EFCAB7: variants seen among roughly 807,000 people sequenced by gnomAD.
The protein encoded by EFCAB7 is EF-hand calcium-binding domain-containing protein 7.
In EFCAB7, 66 loss-of-function variants were observed where a neutral mutation model predicts 77.1. That is an observed-to-expected ratio of 0.86 (90% CI 0.70 to 1.05). EFCAB7 has a LOEUF of 1.05. EFCAB7 is among the 50% of genes least tolerant of loss of function. EFCAB7 has a pLI of 0.00. For synonymous variants in EFCAB7, 225 were observed against 243.3 expected (o/e 0.92, Z 0.70); for missense variants, 638 against 730.5 (o/e 0.87, Z 1.46).
intron 6 of EFCAB7, among the ~76,000 whole-genome samples, chr1:63,544,707 G>A (rs1009250183): frequency 6.6e-6 from 1 of 151,820 alleles, no homozygotes; most frequent in African/African-American, 2.4e-5. Context: ...CACCGCTCCC[G>A]GCCAGCTGTG....
chr1:63,531,696 A>C (rs1646698019), intron 2 of EFCAB7, 124 bp from the exon 3 acceptor site: 1 of 857,452 alleles, frequency 1.2e-6, no homozygotes, highest in Non-Finnish European at 1.8e-6. Context: ...ACACCAAAGT[A>C]ATGTACTGGT....
At chr1:63,582,241 G>C in the EFCAB7 span, among the ~76,000 whole-genome samples, 1 of 152,192 alleles carries the variant, frequency 6.6e-6, no homozygotes, top group African/African-American at 2.4e-5. Context: ...CATTCAAAAT[G>C]CCACTAGTGA....
the EFCAB7 span, among the ~76,000 whole-genome samples, chr1:63,582,284 A>C: frequency 3.9e-5 from 6 of 152,388 alleles, no homozygotes; most frequent in South Asian, 1.0e-3. Context: ...CCTAAGAAGC[A>C]TAGCAAAGTC....
At position 63,565,528 on chromosome 1, in the gene EFCAB7, GATAAATGGGATCT is replaced by G. The variant is rs1466113489; in HGVS notation, c.1498-2780_1498-2768del. On this transcript the variant is annotated intron_variant, in intron 11 of 13. Transcript: ENST00000371088. Reference sequence around the variant, plus strand: ...AGCAATTGCAACAAAAGCAAAAATTGATAAATGGGATCTAATTAAAGAGCTTCTGTGCAGCAAA... The same window carrying G: ...AGCAATTGCAACAAAAGCAAAAATTGAATTAAAGAGCTTCTGTGCAGCAAA... 9.2e-5 allele frequency among the ~76,000 whole-genome samples: 14 copies of G among 152,222 alleles called. No homozygotes were observed. In the South Asian group the frequency reaches 2.5e-3, roughly 27 times the overall value.
At chr1:63,573,207 T>A (rs373863695), downstream of EFCAB7, among the ~76,000 whole-genome samples, 1 of 152,088 alleles carries the variant, frequency 6.6e-6, no homozygotes, top group African/African-American at 2.4e-5. Flanking sequence ...CGGGTGATAT[T>A]TCTCAGGGCT....
intron 5 of EFCAB7, 122 bp from the exon 6 acceptor site, chr1:63,533,973 A>T: frequency 9.0e-7 from 1 of 1,109,170 alleles, no homozygotes; most frequent in Non-Finnish European, 1.3e-6. Context: ...ACTTTATTTC[A>T]ATAGGGAGAA....
intron 12 of EFCAB7, 127 bp downstream of exon 12, chr1:63,568,646 A>G (rs1293331754): frequency 9.1e-6 from 6 of 661,776 alleles, no homozygotes; most frequent in Middle Eastern, 4.4e-4. Flanking sequence ...TATAATGCAT[A>G]ATTATTTTTT....
Position 63,561,825 on chromosome 1 carries a change from A to T in EFCAB7, c.1465A>T (p.Met489Leu), listed in dbSNP as rs367692666. ...PCDLWVTLHSMGYNKALELTE... is the reference protein window; with the variant it reads ...PCDLWVTLHSLGYNKALELTE... ...TGACCTTTGGGTAACTCTACACTCT[A>T]TGGGCTACAATAAAGCTCTGGAGTT... The change falls in exon 11 of 14, where the codon ATG (methionine) becomes TTG (leucine). Residue 489 changes from methionine (M) to leucine (L), a missense_variant. Coordinates refer to ENST00000371088, the MANE Select transcript of EFCAB7 (RefSeq NM_032437.4). 6.9e-6 allele frequency: 11 copies of T among 1,595,346 alleles called. No individual in the cohort carries two copies. The highest frequency in any genetic ancestry group is 9.4e-6 in the Non-Finnish European group (11 of 1,170,154).
the EFCAB7 span, among the ~76,000 whole-genome samples, chr1:63,581,351 T>C: frequency 5.6e-5 from 8 of 142,468 alleles, no homozygotes; most frequent in African/African-American, 2.1e-4. Context: ...GGAGGATCAC[T>C]TGAGCCTGAG....
At chr1:63,546,328 GA>G (rs551617933) in intron 7 of EFCAB7, among the ~76,000 whole-genome samples, 1 of 150,078 alleles carries the variant, frequency 6.7e-6, no homozygotes, top group African/African-American at 2.4e-5. Flanking sequence ...GAAAATAAAA[GA>G]AAAAAAATGT....
At chr1:63,533,026 T>C (rs1252645656) in intron 4 of EFCAB7, among the ~76,000 whole-genome samples, 1 of 152,150 alleles carries the variant, frequency 6.6e-6, no homozygotes, top group Non-Finnish European at 1.5e-5. Flanking sequence ...ATAATTGCAA[T>C]CTGATGACTA....
chr1:63,557,144 T>G lies in EFCAB7; in HGVS notation c.1245T>G (p.Ile415Met), dbSNP rs1294301333. The change falls in exon 10 of 14, where the codon ATT becomes ATG. Residue 415 changes from isoleucine to methionine, a missense_variant. Coordinates refer to ENST00000371088, the MANE Select transcript of EFCAB7 (RefSeq NM_032437.4). ...KSTLSDIFEV[I>M]DLDGNGLLSL... The stretch of plus-strand genomic sequence containing the variant: ...CTTTATCAGATATATTTGAAGTAAT[T>G]GATTTAGATGGAAATGGTCTTCTTA... 1.9e-6 allele frequency: 3 copies of G among 1,596,654 alleles called. No homozygotes were observed. The highest frequency in any genetic ancestry group is 2.6e-6 in the Non-Finnish European group (3 of 1,173,972).
chr1:63,552,169 A>G (rs945059783), intron 8 of EFCAB7, among the ~76,000 whole-genome samples: 5 of 152,074 alleles, frequency 3.3e-5, no homozygotes, highest in African/African-American at 4.8e-5. Context: ...ATATTATTCT[A>G]TGATCTTACC....
chr1:63,539,959 C>T (rs963390220), intron 6 of EFCAB7, among the ~76,000 whole-genome samples: 28 of 151,816 alleles, frequency 1.8e-4, no homozygotes, highest in African/African-American at 6.0e-4. Context: ...ATGTTAAGGG[C>T]AATTGGGTCT....
In EFCAB7 at chr1:63,551,833, A is replaced by T; in HGVS notation, c.1055A>T (p.Glu352Val). 6.5e-7 allele frequency: 1 copy of T among 1,544,456 alleles called. No individual in the cohort carries two copies. The highest frequency in any genetic ancestry group is 8.8e-7 in the Non-Finnish European group (1 of 1,142,306). Residue 352 changes from glutamate (E) to valine (V), a missense_variant and splice_region_variant, in exon 8 of 14, where the codon GAA becomes GTA. Coordinates refer to ENST00000371088, the MANE Select transcript of EFCAB7 (RefSeq NM_032437.4). ...LVCFTELRNR[E>V]VFGWTGELGP... ...TGTTTTACCGAACTACGAAATAGAG[A>T]AGTATACATATTTATTTTCTAATGT... is the stretch of plus-strand genomic sequence containing the variant.
chr1:63,526,828 G>C (rs1351742716), intron 2 of EFCAB7, among the ~76,000 whole-genome samples: 1 of 151,808 alleles, frequency 6.6e-6, no homozygotes, highest in East Asian at 1.9e-4. Context: ...GCAGTGGCGC[G>C]ATCTTGATTC....
At chr1:63,546,328 G>GA (rs551617933) in intron 7 of EFCAB7, among the ~76,000 whole-genome samples, 110 of 150,172 alleles carry the variant, frequency 7.3e-4, no homozygotes, top group African/African-American at 2.6e-3. Flanking sequence ...GAAAATAAAA[G>GA]AAAAAAAATG....
rs1318506099 is a variant in EFCAB7 at position 63,528,987 on chromosome 1, T to A, written c.188-2833T>A. The A allele has an allele frequency of 3.9e-5, 6 of 152,180 alleles. No homozygotes were observed. The East Asian group carries it at 1.2e-3, about 29-fold the overall frequency. 9.4% of individuals were successfully genotyped at this position (152,180 alleles called of 1,614,324 possible). On this transcript the variant is annotated intron_variant, in intron 2 of 13. Transcript: ENST00000371088. ...GCAAAAAAAAAATTACAACTTCATT[T>A]ACATCTACTTGTATTCCCAGCTTTT...
the EFCAB7 span, among the ~76,000 whole-genome samples, chr1:63,578,446 AT>A: frequency 3.5e-3 from 492 of 141,890 alleles, 2 homozygotes; most frequent in African/African-American, 9.5e-3. Flanking sequence ...TCTAACATAC[AT>A]TTTTTTTTTT....
Sources: gnomAD v4.1 joint callset for allele counts (sites outside exome capture counted in the v4.1 genomes callset) on GRCh38, gnomAD v4.1.1 for gene constraint, MANE v1.5 for transcripts, NCBI Gene and HGNC (gene_info 2026-07-23, HGNC 2026-07-21) for gene names.